PPM1E: variants seen among roughly 807,000 people sequenced by gnomAD.
The protein encoded by PPM1E is protein phosphatase, Mg2+/Mn2+ dependent 1E, also known as protein phosphatase 1E.
PPM1E carries 20 observed loss-of-function variants against 65.9 expected under a neutral mutation model. The observed-to-expected ratio is 0.30, with a 90% CI of 0.21 to 0.44. The LOEUF (loss-of-function observed/expected upper bound fraction) is 0.44. Among genes scored for constraint, PPM1E ranks in the 20% least tolerant of loss-of-function variants. PPM1E has a pLI of 1.00. For missense variants in PPM1E, 713 were observed against 953.1 expected, an observed-to-expected ratio of 0.75 and a Z score of 3.32; for synonymous variants, 352 against 374.9, an observed-to-expected ratio of 0.94 and a Z score of 0.70.
At chr17:58,793,096 T>C (rs1455870528) in intron 1 of PPM1E, among the ~76,000 whole-genome samples, 1 of 151,942 alleles carries the variant, frequency 6.6e-6, no homozygotes, top group East Asian at 1.9e-4. Context: ...GTTGGCTTGA[T>C]AGATGCTCTG....
At chr17:58,799,055 T>C (rs2050234634) in intron 1 of PPM1E, among the ~76,000 whole-genome samples, 2 of 152,166 alleles carry the variant, frequency 1.3e-5, no homozygotes, top group African/African-American at 4.8e-5. Context: ...TTAATTTTTG[T>C]ATATAGTGTG....
intron 1 of PPM1E, among the ~76,000 whole-genome samples, chr17:58,839,692 C>A (rs7223955): frequency 0.64 from 96,632 of 151,532 alleles, 31,115 homozygotes; most frequent in African/African-American, 0.71. Context: ...CTAACATTGA[C>A]CAAGAAGAAA....
At chr17:58,801,440 C>CTTTTTTTTTTTTTTTTTTTTTTTTGT (rs35970989) in intron 1 of PPM1E, among the ~76,000 whole-genome samples, 1 of 101,146 alleles carries the variant, frequency 9.9e-6, no homozygotes, top group Non-Finnish European at 2.0e-5. Flanking sequence ...CCCCTTCAGT[C>CTTTTTTTTTTTTTTTTTTTTTTTTGT]TTTTTTTTTT....
At chr17:58,908,009 A>G (rs1301621644) in intron 1 of PPM1E, among the ~76,000 whole-genome samples, 3 of 151,210 alleles carry the variant, frequency 2.0e-5, no homozygotes, top group African/African-American at 7.3e-5. Context: ...ATTATTTACC[A>G]TATTTGTTAC....
At chr17:58,842,416 A>T (rs2050728479) in intron 1 of PPM1E, among the ~76,000 whole-genome samples, 1 of 152,254 alleles carries the variant, frequency 6.6e-6, no homozygotes, top group South Asian at 2.1e-4. Flanking sequence ...AGTGAGCCAT[A>T]CTAACATAAG....
intron 5 of PPM1E, among the ~76,000 whole-genome samples, chr17:58,972,551 A>G (rs1176580777): frequency 2.0e-5 from 3 of 152,092 alleles, no homozygotes; most frequent in Non-Finnish European, 4.4e-5. Flanking sequence ...GGGTTTCACC[A>G]TGTTGGCCAG....
At chr17:58,959,671 A>AG (rs1398303689) in intron 2 of PPM1E, among the ~76,000 whole-genome samples, 1 of 151,502 alleles carries the variant, frequency 6.6e-6, no homozygotes, top group African/African-American at 2.4e-5. Context: ...CCAGCCTAAA[A>AG]AAAAAAAAAA....
At chr17:58,925,956 T>C (rs991629035) in intron 1 of PPM1E, among the ~76,000 whole-genome samples, 1 of 152,144 alleles carries the variant, frequency 6.6e-6, no homozygotes, top group Admixed American at 6.5e-5. Flanking sequence ...ATCAACAGTG[T>C]ATGGATGTCC....
chr17:58,879,501 C>CTTTTTTTTT (rs71367639), intron 1 of PPM1E, among the ~76,000 whole-genome samples: 1 of 88,788 alleles, frequency 1.1e-5, no homozygotes, highest in South Asian at 3.7e-4. Context: ...CTGAGATTAA[C>CTTTTTTTTT]TTTTTTTTTT....
intron 3 of PPM1E, among the ~76,000 whole-genome samples, chr17:58,967,279 A>C (rs73315199): frequency 0.074 from 11,240 of 152,218 alleles, 932 homozygotes; most frequent in African/African-American, 0.21. Flanking sequence ...TTTGTTTGAC[A>C]TAAATGTTTT....
intron 6 of PPM1E, 83 bp from the exon 7 acceptor site, chr17:58,979,891 G>C: frequency 9.3e-7 from 1 of 1,074,276 alleles, no homozygotes. Flanking sequence ...GCTGTGATCA[G>C]AGTCATGGCA....
intron 1 of PPM1E, among the ~76,000 whole-genome samples, chr17:58,768,118 T>C (rs2049900989): frequency 6.6e-6 from 1 of 151,844 alleles, no homozygotes; most frequent in Non-Finnish European, 1.5e-5. Flanking sequence ...GCCCAGCTAA[T>C]TTTTTGTATT....
chr17:58,837,426 A>G (rs1448240115), intron 1 of PPM1E, among the ~76,000 whole-genome samples: 1 of 150,836 alleles, frequency 6.6e-6, no homozygotes, highest in Non-Finnish European at 1.5e-5. Flanking sequence ...ACTCAGAAAA[A>G]TTTATTGGAC....
intron 1 of PPM1E, among the ~76,000 whole-genome samples, chr17:58,817,394 CT>C (rs1305666495): frequency 3.3e-5 from 5 of 151,976 alleles, no homozygotes; most frequent in Non-Finnish European, 4.4e-5. Context: ...TTTGGGAAGC[CT>C]TTTTATTACC....
At position 58,924,061 on chromosome 17, in the gene PPM1E, G is replaced by A. The variant is rs1446728605; in HGVS notation, c.465-31588G>A. On this transcript the variant is annotated intron_variant, in intron 1 of 6. Coordinates refer to ENST00000308249, the MANE Select transcript of PPM1E (RefSeq NM_014906.5). ...AGCCTCCCAAGTAGCTGGGATTACA[G>A]GTGTGCACCACCATGCCTGGCTAAT... Among the ~76,000 whole-genome samples the A allele has an allele frequency of 2.6e-5, 4 of 151,694 alleles. No homozygotes were observed. In the East Asian group the frequency reaches 7.9e-4, roughly 30 times the overall value.
intron 1 of PPM1E, among the ~76,000 whole-genome samples, chr17:58,798,164 A>G (rs554906535): frequency 9.2e-5 from 14 of 151,502 alleles, no homozygotes; most frequent in Admixed American, 5.9e-4. Context: ...CACATTCTGA[A>G]TATCAGTCAT....
intron 1 of PPM1E, among the ~76,000 whole-genome samples, chr17:58,922,995 A>C (rs1358052829): frequency 1.3e-5 from 2 of 152,272 alleles, no homozygotes; most frequent in East Asian, 1.9e-4. Flanking sequence ...GAATTTTGAA[A>C]AATATTAGGG....
At chr17:58,805,966 AAAAAAAACAAAAAAAAAAC>A (rs2050304595) in intron 1 of PPM1E, among the ~76,000 whole-genome samples, 5 of 114,156 alleles carry the variant, frequency 4.4e-5, no homozygotes, top group Admixed American at 8.1e-5. Context: ...AAAAACAAAA[AAAAAAAACAAAAAAAAAAC>A]AAAACAAAAC....
At chr17:58,876,275 T>C (rs1239748156) in intron 1 of PPM1E, among the ~76,000 whole-genome samples, 1 of 152,178 alleles carries the variant, frequency 6.6e-6, no homozygotes, top group Non-Finnish European at 1.5e-5. Flanking sequence ...AAAGGAGTTA[T>C]ACTTTTGTTA....
Sources: gnomAD v4.1 joint callset for allele counts (sites outside exome capture counted in the v4.1 genomes callset) on GRCh38, gnomAD v4.1.1 for gene constraint, MANE v1.5 for transcripts, NCBI Gene and HGNC (gene_info 2026-07-23, HGNC 2026-07-21) for gene names.